The following CR1 variants were observed in gnomAD, a reference collection of about 807,000 sequenced individuals.
CR1 encodes complement C3b/C4b receptor 1 (Knops blood group).
Under a neutral mutation model 187.3 loss-of-function variants are expected in CR1, and 116 were observed. That is an observed-to-expected ratio of 0.62 (90% CI 0.53 to 0.72). The LOEUF (loss-of-function observed/expected upper bound fraction) is 0.72, where lower values mean the gene tolerates loss of function less well. CR1 is among the 30% of genes least tolerant of loss of function. The pLI is 0.00. For missense variants in CR1, 1,731 were observed against 2,110.7 expected (o/e 0.82, Z 3.52); for synonymous variants, 576 against 747.1 (o/e 0.77, Z 3.73).
Position 207,587,426 on chromosome 1 carries a change from T to C in CR1, c.5571T>C (p.Pro1857=), listed in dbSNP as rs755661598. ...CAGAGCAGTTTCCATTTGCCAGTCC[T>C]ACGATCCCAATTAATGACTTTGAGT... ...KTPEQFPFAS[P]TIPINDFEFP... Residue 1857 remains proline, a synonymous_variant, in exon 34 of 47, where the codon CCT becomes CCC. Transcript: ENST00000367049. The C allele has an allele frequency of 8.1e-6, 13 of 1,613,970 alleles. No individual in the cohort carries two copies. Among genetic ancestry groups the C allele is most frequent in the Non-Finnish European group, 1.1e-5 (13 of 1,179,816 alleles).
intron 1 of CR1, among the ~76,000 whole-genome samples, chr1:207,501,675 A>G (rs1439512372): frequency 1.3e-5 from 2 of 152,238 alleles, no homozygotes; most frequent in Non-Finnish European, 2.9e-5. Flanking sequence ...CTTCTTTCCA[A>G]GAATGGTTCA....
At chr1:207,581,879 A>C in intron 31 of CR1, 39 bp from the exon 32 acceptor site, 1 of 1,368,916 alleles carries the variant, frequency 7.3e-7, no homozygotes. Context: ...GAAGAGAGAA[A>C]TGGTGCATTC....
At chr1:207,624,148 A>G (rs1277571238) in intron 45 of CR1, among the ~76,000 whole-genome samples, 2 of 151,924 alleles carry the variant, frequency 1.3e-5, no homozygotes, top group Admixed American at 1.3e-4. Context: ...CTGGTCTTGA[A>G]TTCCTGACCT....
rs917959281 is a variant in CR1, at chr1:207,641,095, G to C, written c.*1686G>C. The stretch of plus-strand genomic sequence containing the variant: ...GGTCACCAAGAAAGAAGGGCAAATA[G>C]GTGGTGAGTATATGTAAAGATACTT... On this transcript the variant is annotated 3_prime_UTR_variant, in exon 47 of 47. Coordinates refer to ENST00000367049, the MANE Select transcript of CR1 (RefSeq NM_000651.6). 1 of 152,188 alleles carries C rather than the reference G, an allele frequency of 6.6e-6. No homozygotes were observed. Among genetic ancestry groups the C allele is most frequent in the African/African-American group, 2.4e-5 (1 of 41,436 alleles). 9.4% of individuals were successfully genotyped at this position (152,188 alleles called of 1,614,324 possible). A position where few individuals can be genotyped will look rare whatever the true frequency, so the allele number is the denominator to read the frequency against.
chr1:207,583,606 T>C (rs1661023722), intron 32 of CR1, among the ~76,000 whole-genome samples: 1 of 152,224 alleles, frequency 6.6e-6, no homozygotes, highest in Non-Finnish European at 1.5e-5. Context: ...CCCCTTCTGA[T>C]CATAGCTATT....
intron 35 of CR1, among the ~76,000 whole-genome samples, chr1:207,599,586 G>A (rs1411199251): frequency 1.2e-4 from 18 of 152,156 alleles, no homozygotes; most frequent in Admixed American, 1.1e-3. Context: ...CCTTCTATTA[G>A]CAGTAGGTTG....
At chr1:207,636,815 T>C (rs1662829258) in intron 46 of CR1, among the ~76,000 whole-genome samples, 1 of 152,220 alleles carries the variant, frequency 6.6e-6, no homozygotes, top group Non-Finnish European at 1.5e-5. Context: ...TCCATGGACA[T>C]AGAAATCCAC....
At chr1:207,506,192 G>C (rs1425059628) in intron 2 of CR1, 109 bp downstream of exon 2, 1 of 1,267,290 alleles carries the variant, frequency 7.9e-7, no homozygotes, top group African/African-American at 1.5e-5. Context: ...AGTTTGCCAA[G>C]GTGCAATACA....
At chr1:207,583,860 C>A (rs951727922) in intron 32 of CR1, among the ~76,000 whole-genome samples, 1 of 152,084 alleles carries the variant, frequency 6.6e-6, no homozygotes, top group Non-Finnish European at 1.5e-5. Context: ...ATTGGTTAAG[C>A]TATTTTAACC....
intron 42 of CR1, 54 bp from the exon 43 acceptor site, chr1:207,619,826 A>G (rs1571606340): frequency 1.5e-5 from 23 of 1,493,846 alleles, no homozygotes; most frequent in Admixed American, 2.2e-5. Flanking sequence ...CTCGCAGTTA[A>G]AACGGACAAT....
chr1:207,580,486 CTTTTTTTT>C lies in CR1; in HGVS notation c.5114-18_5114-11del, dbSNP rs75072508. 2 of 1,378,738 alleles carry C rather than the reference CTTTTTTTT, an allele frequency of 1.5e-6. No individual in the cohort carries two copies. Among genetic ancestry groups the C allele is most frequent in the African/African-American group, 3.0e-5 (2 of 66,654 alleles). 85.4% of individuals were successfully genotyped at this position (1,378,738 alleles called of 1,614,324 possible). A position where few individuals can be genotyped will look rare whatever the true frequency, so the allele number is the denominator to read the frequency against. ...CATGGAGGTCTTACTCCTATTTTTT[CTTTTTTTT>C]TTTTTTCTTCTTCTAGTGAAATCCT... On this transcript the variant is annotated splice_polypyrimidine_tract_variant and intron_variant, in intron 30 of 46. Transcript: ENST00000367049.
chr1:207,612,419 G>A (rs1265826891), intron 39 of CR1, among the ~76,000 whole-genome samples: 1 of 152,210 alleles, frequency 6.6e-6, no homozygotes, highest in African/African-American at 2.4e-5. Context: ...TAAGGTAGAG[G>A]TTGTCTTAAG....
intron 32 of CR1, 149 bp downstream of exon 32, chr1:207,582,152 T>C (rs973208256): frequency 6.1e-6 from 3 of 494,550 alleles, no homozygotes; most frequent in African/African-American, 4.0e-5. Context: ...AAGCAATGTT[T>C]TGGGGAAAAA....
chr1:207,598,811 T>G (rs918246231), intron 35 of CR1: 3 of 152,208 alleles, frequency 2.0e-5, no homozygotes, highest in African/African-American at 7.2e-5. Context: ...TTCAGCTGTT[T>G]CAAAGACAGA....
intron 35 of CR1, among the ~76,000 whole-genome samples, chr1:207,602,063 A>G (rs766336946): frequency 2.5e-4 from 38 of 152,098 alleles, no homozygotes; most frequent in Admixed American, 2.4e-3. Context: ...TATTCTAATC[A>G]TTAGAATCAA....
chr1:207,496,538 G>A, intron 1 of CR1, 150 bp downstream of exon 1: 1 of 765,340 alleles, frequency 1.3e-6, no homozygotes, highest in Non-Finnish European at 2.0e-6. Flanking sequence ...GACCCGGCAG[G>A]GCGGCGGGTG....
chr1:207,598,604 G>T (rs1661516150), intron 35 of CR1, among the ~76,000 whole-genome samples: 2 of 152,100 alleles, frequency 1.3e-5, no homozygotes, highest in Admixed American at 1.3e-4. Context: ...ATTTATAGTA[G>T]AGACAGGGTT....
At position 207,592,353 on chromosome 1, in the gene CR1, A is replaced by T. The variant is rs188696358; in HGVS notation, c.5810+3579A>T. Among the ~76,000 whole-genome samples the T allele has an allele frequency of 5.0e-3, 768 of 152,380 alleles. 9 individuals are homozygous for T. The highest frequency in any genetic ancestry group is 0.034 in the Middle Eastern group (10 of 294). ...AACCAATGATAAAAACCACATGATT[A>T]TCTCAATAGATGCAGACAAGGGCTT... On this transcript the variant is annotated intron_variant, in intron 35 of 46. Coordinates refer to ENST00000367049, the MANE Select transcript of CR1 (RefSeq NM_000651.6).
chr1:207,504,166 TTGGGTATCGGCTAA>T (rs1272159399), intron 1 of CR1, among the ~76,000 whole-genome samples: 2 of 152,168 alleles, frequency 1.3e-5, no homozygotes, highest in Non-Finnish European at 2.9e-5. Context: ...ATCTGAGGTT[TTGGGTATCGGCTAA>T]TGTCTTGGAA....
Sources: gnomAD v4.1 joint callset for allele counts (sites outside exome capture counted in the v4.1 genomes callset) on GRCh38, gnomAD v4.1.1 for gene constraint, MANE v1.5 for transcripts, NCBI Gene and HGNC (gene_info 2026-07-23, HGNC 2026-07-21) for gene names.